Variants in EXPH5 observed in about 807,000 individuals in gnomAD.
EXPH5 encodes exophilin 5.
A neutral mutation model predicts 41.1 loss-of-function variants in EXPH5; 42 were observed. The ratio of observed to expected loss-of-function variants is 1.02; its 90% CI spans 0.80 to 1.32. The LOEUF (loss-of-function observed/expected upper bound fraction) is 1.32. EXPH5 is among the 40% of genes most tolerant of loss of function. The pLI is 0.00. For missense variants in EXPH5, 2,298 were observed against 2,314.5 expected (o/e 0.99, Z 0.15); for synonymous variants, 798 against 833.5 (o/e 0.96, Z 0.73).
chr11:108,605,049 A>G, the EXPH5 span, among the ~76,000 whole-genome samples: 1 of 152,196 alleles, frequency 6.6e-6, no homozygotes, highest in Non-Finnish European at 1.5e-5. Flanking sequence ...CCCTAAGAAC[A>G]AGATCACTGG....
At chr11:108,605,383 T>C in the EXPH5 span, among the ~76,000 whole-genome samples, 1 of 152,132 alleles carries the variant, frequency 6.6e-6, no homozygotes, top group Non-Finnish European at 1.5e-5. Flanking sequence ...CTTATAAAAA[T>C]TATACTGTGT....
intron 1 of EXPH5, among the ~76,000 whole-genome samples, chr11:108,573,056 A>G (rs533083308): frequency 1.4e-4 from 21 of 151,232 alleles, no homozygotes; most frequent in Non-Finnish European, 2.2e-4. Flanking sequence ...TCTCAAAAAA[A>G]TGTTGAAAAA....
rs2093705945 is a variant in EXPH5 at position 108,514,209 on chromosome 11, A to G, written c.1298T>C (p.Met433Thr). 1.2e-6 allele frequency: 2 copies of G among 1,614,222 alleles called. No homozygotes were observed. The highest frequency in any genetic ancestry group is 1.1e-5 in the South Asian group (1 of 91,086). Residue 433 changes from methionine (M) to threonine (T), a missense_variant, in exon 6 of 6, where the codon ATG (methionine) becomes ACG (threonine). Met to Thr is a moderately conservative substitution (Grantham distance 81). Coordinates refer to ENST00000265843, the MANE Select transcript of EXPH5 (RefSeq NM_015065.3). ...AGTGTCGGGACTCATTGCATTCTCC[A>G]TGGGAGCATTTAAACTAACACGTTG... ...VYQRVSLNAP[M>T]ENAMSPDTFE...
At chr11:108,532,425 G>GGCT (rs1565800893) in intron 3 of EXPH5, among the ~76,000 whole-genome samples, 1 of 126,112 alleles carries the variant, frequency 7.9e-6, no homozygotes, top group Non-Finnish European at 1.6e-5. Flanking sequence ...ACGTTGGCCA[G>GGCT]GCTGGTCTTG....
chr11:108,527,389 G>C (rs1319134968), intron 4 of EXPH5, among the ~76,000 whole-genome samples: 1 of 152,048 alleles, frequency 6.6e-6, no homozygotes, highest in East Asian at 1.9e-4. Flanking sequence ...TTTGCAAAGA[G>C]AGAGGGAGGG....
At chr11:108,515,294 T>C (rs2093717034) in intron 5 of EXPH5, among the ~76,000 whole-genome samples, 1 of 152,214 alleles carries the variant, frequency 6.6e-6, no homozygotes, top group Admixed American at 6.5e-5. Flanking sequence ...GTCTTTCTGT[T>C]TCTTTCATGT....
chr11:108,545,322 A>G (rs1396197197), intron 1 of EXPH5, among the ~76,000 whole-genome samples: 1 of 152,108 alleles, frequency 6.6e-6, no homozygotes, highest in Non-Finnish European at 1.5e-5. Context: ...GCTGAGGTAT[A>G]TATGTAATAT....
chr11:108,530,603 T>A (rs558896438), intron 3 of EXPH5, among the ~76,000 whole-genome samples: 1 of 152,184 alleles, frequency 6.6e-6, no homozygotes, highest in African/African-American at 2.4e-5. Flanking sequence ...ACTGTGAAGG[T>A]TCTTTCTGGA....
At chr11:108,520,554 T>TTTTATTTATTTA (rs149638624) in intron 4 of EXPH5, among the ~76,000 whole-genome samples, 7 of 151,692 alleles carry the variant, frequency 4.6e-5, no homozygotes, top group African/African-American at 1.7e-4. Flanking sequence ...TTTATTATTG[T>TTTTATTTATTTA]TTTATTTATT....
In EXPH5 at chr11:108,505,815, T is replaced by G. The variant is rs372214055; in HGVS notation, c.*3722A>C. 1 of 152,224 alleles carries G rather than the reference T, an allele frequency of 6.6e-6. No homozygotes were observed. The highest frequency in any genetic ancestry group is 2.1e-4 in the South Asian group (1 of 4,836). 9.4% of individuals were successfully genotyped at this position (152,224 alleles called of 1,614,324 possible). A position where few individuals can be genotyped will look rare whatever the true frequency, so the allele number is the denominator to read the frequency against. ...TGAGTTTTACAGTTTGATTCCCATC[T>G]TTGCCATAACCTAAATGGATTTTTA... On this transcript the variant is annotated 3_prime_UTR_variant, in exon 6 of 6. Coordinates refer to ENST00000265843, the MANE Select transcript of EXPH5 (RefSeq NM_015065.3).
chr11:108,538,116 G>A (rs1254877609), intron 3 of EXPH5: 1 of 985,288 alleles, frequency 1.0e-6, no homozygotes, highest in African/African-American at 1.7e-5. Flanking sequence ...GAGGACAGTG[G>A]TCTGTTAAAT....
intron 4 of EXPH5, among the ~76,000 whole-genome samples, chr11:108,522,234 A>G (rs189837215): frequency 1.3e-5 from 2 of 152,136 alleles, no homozygotes; most frequent in Admixed American, 6.5e-5. Context: ...AATAGTAGGT[A>G]TCAGACCTAA....
chr11:108,528,023 C>T, intron 4 of EXPH5, 113 bp downstream of exon 4: 1 of 670,554 alleles, frequency 1.5e-6, no homozygotes, highest in East Asian at 2.7e-5. Flanking sequence ...ATCCAAGCTT[C>T]TAAAATAAAT....
chr11:108,584,263 G>T (rs913848835), intron 1 of EXPH5, among the ~76,000 whole-genome samples: 1 of 152,078 alleles, frequency 6.6e-6, no homozygotes, highest in Non-Finnish European at 1.5e-5. Context: ...ATCACCTGAG[G>T]TCAGGAGTTT....
At chr11:108,535,989 G>A (rs2093877164) in intron 3 of EXPH5, among the ~76,000 whole-genome samples, 1 of 152,170 alleles carries the variant, frequency 6.6e-6, no homozygotes. Context: ...GTTAGGGGCT[G>A]AGCACATGTT....
intron 5 of EXPH5, among the ~76,000 whole-genome samples, chr11:108,515,689 G>C (rs936548208): frequency 6.6e-6 from 1 of 152,086 alleles, no homozygotes; most frequent in African/African-American, 2.4e-5. Context: ...AAATTCCTAA[G>C]ATCACACAGC....
At chr11:108,521,968 AGATG>A (rs1376971090) in intron 4 of EXPH5, among the ~76,000 whole-genome samples, 1 of 152,182 alleles carries the variant, frequency 6.6e-6, no homozygotes, top group Non-Finnish European at 1.5e-5. Flanking sequence ...TCACGTGAAG[AGATG>A]ACCCTCTCTA....
At position 108,511,805 on chromosome 11, in the gene EXPH5, C is replaced by T. The variant is rs746335515; in HGVS notation, c.3702G>A (p.Thr1234=). Residue 1234 remains threonine (T), a synonymous_variant, in exon 6 of 6, where the codon ACG becomes ACA. Coordinates refer to ENST00000265843, the MANE Select transcript of EXPH5 (RefSeq NM_015065.3). ...KTLHKVKTTS[T]FSVSGDEDNV... ...TATCTTCATCACCAGAAACAGAAAA[C>T]GTACTAGTCGTCTTAACTTTATGTA... 5.6e-6 allele frequency: 9 copies of T among 1,607,436 alleles called. No homozygotes were observed. The highest frequency in any genetic ancestry group is 2.2e-5 in the East Asian group (1 of 44,848).
At chr11:108,533,557 T>C (rs572684541) in intron 3 of EXPH5, among the ~76,000 whole-genome samples, 83 of 152,314 alleles carry the variant, frequency 5.4e-4, no homozygotes, top group South Asian at 2.9e-3. Context: ...TTCTTGCCTC[T>C]ACCTTAGTTT....
Sources: allele counts gnomAD v4.1 joint callset (sites outside exome capture counted in the v4.1 genomes callset), GRCh38; gene constraint gnomAD v4.1.1; transcripts MANE v1.5; gene names NCBI Gene and HGNC (gene_info 2026-07-23, HGNC 2026-07-21).